The following BDP1 variants were observed in gnomAD, a reference collection of about 807,000 sequenced individuals.
The protein encoded by BDP1 is BDP1 general transcription factor IIIB subunit.
Under a neutral mutation model 266.6 loss-of-function variants are expected in BDP1, and 169 were observed. The ratio of observed to expected loss-of-function variants is 0.63; its 90% CI spans 0.56 to 0.72. The LOEUF (loss-of-function observed/expected upper bound fraction) is 0.72, where lower values mean the gene tolerates loss of function less well. Ranked by LOEUF, BDP1 falls within the 30% of genes least tolerant of loss-of-function variation. BDP1 has a pLI of 0.00. For missense variants in BDP1, 3,015 were observed against 3,053.8 expected, an observed-to-expected ratio of 0.99 and a Z score of 0.30; for synonymous variants, 1,090 against 1,022.4, an observed-to-expected ratio of 1.07 and a Z score of -1.26.
intron 34 of BDP1, among the ~76,000 whole-genome samples, chr5:71,551,587 G>T (rs181743763): frequency 2.6e-5 from 4 of 152,078 alleles, no homozygotes; most frequent in African/African-American, 4.8e-5. Context: ...CCACAAAACC[G>T]CCACGTCATC....
rs1487366505 is a variant in BDP1, at chr5:71,502,772, A to G, written c.2222A>G (p.Glu741Gly). 1 of 1,613,384 alleles carries G rather than the reference A, an allele frequency of 6.2e-7. No homozygotes were observed. The part of the protein sequence containing the change: ...IGANVEKNEN[E>G]SCADRDTPQH... The stretch of plus-strand genomic sequence containing the variant: ...GCCAATGTAGAGAAGAATGAAAATG[A>G]ATCCTGTGCTGATAGAGATGTAAGT... Residue 741 changes from glutamate to glycine, a missense_variant, in exon 15 of 39, where the codon GAA becomes GGA. Transcript: ENST00000358731.
chr5:71,538,970 G>A, intron 26 of BDP1, 72 bp from the exon 27 acceptor site: 1 of 963,192 alleles, frequency 1.0e-6, no homozygotes, highest in Non-Finnish European at 1.7e-6. Context: ...CTCTGAAAAT[G>A]TAGTGCATGC....
In BDP1 at chr5:71,556,690, G is replaced by A. The variant is rs543266173; in HGVS notation, c.7201-196G>A. ...GACTGATTATAAAAGGCAGTTAGCA[G>A]CTTTCTCTCTTCCAGTGGGCTCTGG... On this transcript the variant is annotated intron_variant, in intron 35 of 38. Transcript: ENST00000358731. Among the ~76,000 whole-genome samples the A allele has an allele frequency of 3.9e-5, 6 of 152,214 alleles. No individual in the cohort carries two copies. In the South Asian group the frequency reaches 1.2e-3, roughly 32 times the overall value.
chr5:71,524,008 T>A lies in BDP1; in HGVS notation c.5457T>A (p.Ser1819=). Residue 1819 remains serine, a synonymous_variant, in exon 25 of 39, where the codon TCT becomes TCA. Transcript: ENST00000358731. ...TGGATGGGAAAACAACTATCTCTTCTACATCTGAGTATGAGAGAAATCGTG... is the reference window on the plus strand; with the variant it reads ...TGGATGGGAAAACAACTATCTCTTCAACATCTGAGTATGAGAGAAATCGTG... ...IALDGKTTIS[S]TSEYERNRGE... is the part of the protein sequence containing the mutation. 6.2e-7 allele frequency: 1 copy of A among 1,614,210 alleles called. No individual in the cohort carries two copies. The highest frequency in any genetic ancestry group is 8.5e-7 in the Non-Finnish European group (1 of 1,180,040).
intron 32 of BDP1, among the ~76,000 whole-genome samples, chr5:71,545,851 A>G (rs1742264836): frequency 6.6e-6 from 1 of 151,332 alleles, no homozygotes; most frequent in Non-Finnish European, 1.5e-5. Context: ...AAAAAAAAAA[A>G]AAGCCAGGCA....
At chr5:71,571,022 TAAA>T (rs1254287648), downstream of BDP1, among the ~76,000 whole-genome samples, 2 of 152,116 alleles carry the variant, frequency 1.3e-5, no homozygotes, top group Non-Finnish European at 2.9e-5. Context: ...ATAATACAAA[TAAA>T]AAATAAGTAT....
chr5:71,466,371 G>T, intron 5 of BDP1, 150 bp downstream of exon 5: 1 of 843,742 alleles, frequency 1.2e-6, no homozygotes, highest in East Asian at 2.7e-5. Context: ...AGAAAAGTGG[G>T]TTAGATTAAT....
In BDP1 at chr5:71,517,365, C is replaced by G; in HGVS notation, c.4904C>G (p.Ala1635Gly). ...ACTGAAATTGAAGTTCCATCGTCCG[C>G]AGTTCCAGAACACAGAATGTATGAA... ...IETEIEVPSS[A>G]VPEHRMYENQ... is the part of the protein sequence containing the mutation. The change falls in exon 22 of 39, where the codon GCA becomes GGA. Residue 1635 changes from alanine (A) to glycine (G), a missense_variant. Transcript: ENST00000358731. The G allele has an allele frequency of 1.2e-6, 2 of 1,601,578 alleles. No homozygotes were observed. The highest frequency in any genetic ancestry group is 1.7e-6 in the Non-Finnish European group (2 of 1,176,668).
chr5:71,572,218 C>T (rs551561029), downstream of BDP1, among the ~76,000 whole-genome samples: 1 of 152,248 alleles, frequency 6.6e-6, no homozygotes, highest in South Asian at 2.1e-4. Context: ...AGCTCAGGGC[C>T]CTTGTTCACT....
At chr5:71,573,227 CAAA>C in the BDP1 span, among the ~76,000 whole-genome samples, 1 of 82,728 alleles carries the variant, frequency 1.2e-5, no homozygotes. Context: ...GACTCTGTTT[CAAA>C]AAAAAAAAAA....
chr5:71,462,470 C>T (rs914957525), intron 3 of BDP1, among the ~76,000 whole-genome samples: 1 of 152,030 alleles, frequency 6.6e-6, no homozygotes, highest in African/African-American at 2.4e-5. Flanking sequence ...AATAAATTTC[C>T]TGGCTGGGCA....
intron 26 of BDP1, among the ~76,000 whole-genome samples, chr5:71,535,039 T>G (rs868020534): frequency 1.1e-4 from 16 of 152,202 alleles, no homozygotes; most frequent in African/African-American, 3.6e-4. Flanking sequence ...GCAACTTCTT[T>G]GGTGGATTCC....
At chr5:71,554,773 A>T (rs1207761685) in intron 35 of BDP1, among the ~76,000 whole-genome samples, 3 of 144,598 alleles carry the variant, frequency 2.1e-5, no homozygotes, top group African/African-American at 5.1e-5. Context: ...ACAATTTTTT[A>T]AAAATTGCTT....
At position 71,464,128 on chromosome 5, in the gene BDP1, TA is replaced by T; in HGVS notation, c.659+12del. 6.8e-7 allele frequency: 1 copy of T among 1,480,012 alleles called. No homozygotes were observed. Among genetic ancestry groups the T allele is most frequent in the South Asian group, 1.2e-5 (1 of 80,880 alleles). The allele number at this position is 1,480,012 out of a possible 1,614,324, so 91.7% of individuals were successfully genotyped here. ...AGTCCAGACAAGAGAGTAAGTATTT[TA>T]TTTTTGAATATATTCTATTCCTACA... On this transcript the variant is annotated intron_variant, in intron 4 of 38. Coordinates refer to ENST00000358731, the MANE Select transcript of BDP1 (RefSeq NM_018429.3).
At chr5:71,456,901 A>G (rs770835561) in intron 1 of BDP1, among the ~76,000 whole-genome samples, 4 of 152,210 alleles carry the variant, frequency 2.6e-5, no homozygotes, top group African/African-American at 7.2e-5. Flanking sequence ...GTGAAGTGAG[A>G]TAGTACAAAT....
rs549499461 is a variant in BDP1 at position 71,516,359 on chromosome 5, A to G, written c.4860+88A>G. ...TCAGACATAGCTTAGAAATACAGGC[A>G]TCTGACACTTATTCTACTCAATGAA... On this transcript the variant is annotated intron_variant, in intron 21 of 38. Coordinates refer to ENST00000358731, the MANE Select transcript of BDP1 (RefSeq NM_018429.3). The G allele has an allele frequency of 9.4e-6, 9 of 953,364 alleles. No homozygotes were observed. The African/African-American group carries it at 1.5e-4, about 16-fold the overall frequency. 59.1% of individuals were successfully genotyped at this position (953,364 alleles called of 1,614,324 possible).
At chr5:71,487,238 TTTC>T (rs1243882450) in intron 9 of BDP1, among the ~76,000 whole-genome samples, 1 of 152,150 alleles carries the variant, frequency 6.6e-6, no homozygotes, top group African/African-American at 2.4e-5. Flanking sequence ...GTGTTGTTTT[TTTC>T]TTTTTTTCTG....
At chr5:71,512,466 T>TCTTTTACGTTAAA (rs1561732808) in intron 18 of BDP1, 38 bp downstream of exon 18, 1 of 1,333,076 alleles carries the variant, frequency 7.5e-7, no homozygotes, top group Non-Finnish European at 1.0e-6. Context: ...TATTAAGTTA[T>TCTTTTACGTTAAA]AGTTGCAGAT....
At chr5:71,539,163 T>C (rs1456793438) in intron 27 of BDP1, 85 bp downstream of exon 27, 8 of 930,560 alleles carry the variant, frequency 8.6e-6, no homozygotes, top group Non-Finnish European at 9.8e-6. Context: ...AATGAATCAG[T>C]TTGCTGGAGA....
Sources: gnomAD v4.1 joint callset for allele counts (sites outside exome capture counted in the v4.1 genomes callset) on GRCh38, gnomAD v4.1.1 for gene constraint, MANE v1.5 for transcripts, NCBI Gene and HGNC (gene_info 2026-07-23, HGNC 2026-07-21) for gene names.